Variants in SV2C observed in about 807,000 individuals in gnomAD.
SV2C encodes the protein synaptic vesicle glycoprotein 2C.
A neutral mutation model predicts 79.7 loss-of-function variants in SV2C; 49 were observed. The ratio of observed to expected loss-of-function variants is 0.61; its 90% CI spans 0.49 to 0.78. The LOEUF (loss-of-function observed/expected upper bound fraction) is 0.78. Ranked by LOEUF, SV2C falls within the 30% of genes least tolerant of loss-of-function variation. SV2C has a pLI of 0.00. For missense variants in SV2C, 833 were observed against 912.9 expected (o/e 0.91, Z 1.13); for synonymous variants, 334 against 333.2 (o/e 1.00, Z -0.03).
chr5:75,996,433 G>T, the SV2C span, among the ~76,000 whole-genome samples: 1 of 152,126 alleles, frequency 6.6e-6, no homozygotes, highest in African/African-American at 2.4e-5. Context: ...CTCCAGCTTT[G>T]TTCTTTTGGC....
intron 4 of SV2C, among the ~76,000 whole-genome samples, chr5:76,217,562 A>C (rs763004959): frequency 2.6e-5 from 4 of 152,202 alleles, no homozygotes; most frequent in Non-Finnish European, 5.9e-5. Flanking sequence ...GATTAAGCAA[A>C]ATAATCTCGT....
the SV2C span, among the ~76,000 whole-genome samples, chr5:76,006,923 C>T: frequency 6.6e-6 from 1 of 152,170 alleles, no homozygotes; most frequent in African/African-American, 2.4e-5. Flanking sequence ...TGAAGCACTT[C>T]CTGGACTTCG....
the SV2C span, among the ~76,000 whole-genome samples, chr5:76,074,980 A>G: frequency 2.0e-5 from 3 of 152,204 alleles, no homozygotes; most frequent in Non-Finnish European, 2.9e-5. Flanking sequence ...GAGAGAGTAT[A>G]AGGATGCTTT....
chr5:76,265,866 C>T (rs1746638253), intron 4 of SV2C, among the ~76,000 whole-genome samples: 1 of 152,130 alleles, frequency 6.6e-6, no homozygotes, highest in South Asian at 2.1e-4. Context: ...CAGAAATCAC[C>T]CACCTTTTGT....
chr5:76,105,876 G>A (rs192549115), intron 1 of SV2C, among the ~76,000 whole-genome samples: 9 of 151,914 alleles, frequency 5.9e-5, no homozygotes, highest in Non-Finnish European at 8.8e-5. Context: ...CCTGTGATCC[G>A]GGGAGCAATC....
At chr5:76,065,497 C>T in the SV2C span, among the ~76,000 whole-genome samples, 31 of 152,156 alleles carry the variant, frequency 2.0e-4, no homozygotes, top group African/African-American at 7.5e-4. Context: ...AGTAAGCCGT[C>T]TGCCTACAAT....
At chr5:76,318,242 A>AC (rs535513778) in intron 12 of SV2C, among the ~76,000 whole-genome samples, 559 of 152,192 alleles carry the variant, frequency 3.7e-3, no homozygotes, top group Middle Eastern at 0.01. Flanking sequence ...ACATGGTGAA[A>AC]CCCCGTCTCT....
At chr5:76,137,630 C>T (rs962613644) in intron 2 of SV2C, among the ~76,000 whole-genome samples, 1 of 152,000 alleles carries the variant, frequency 6.6e-6, no homozygotes, top group Non-Finnish European at 1.5e-5. Context: ...GTCTTTCGGC[C>T]CCAAAATAAC....
the SV2C span, among the ~76,000 whole-genome samples, chr5:76,030,281 T>TATTTATTTATTTA: frequency 0.011 from 1,195 of 113,370 alleles, 51 homozygotes; most frequent in African/African-American, 0.049. Flanking sequence ...TTTTTTTTTT[T>TATTTATTTATTTA]TTTTTTTTTT....
At chr5:75,946,734 C>A in the SV2C span, among the ~76,000 whole-genome samples, 1 of 151,994 alleles carries the variant, frequency 6.6e-6, no homozygotes, top group African/African-American at 2.4e-5. Flanking sequence ...ACTGTAAGGA[C>A]AGAGAACACA....
chr5:75,887,791 G>A, the SV2C span, among the ~76,000 whole-genome samples: 22,557 of 151,990 alleles, frequency 0.15, 2,455 homozygotes, highest in African/African-American at 0.31. Context: ...CCAAGCAACA[G>A]CAAAAACAAG....
chr5:76,271,820 A>G (rs1336863349), intron 4 of SV2C, among the ~76,000 whole-genome samples: 1 of 152,112 alleles, frequency 6.6e-6, no homozygotes, highest in Non-Finnish European at 1.5e-5. Context: ...TTTGAAAATT[A>G]GGAAACATAA....
chr5:76,071,510 G>C, the SV2C span, among the ~76,000 whole-genome samples: 2 of 152,182 alleles, frequency 1.3e-5, no homozygotes, highest in Non-Finnish European at 2.9e-5. Context: ...TATCAGGGAA[G>C]AGCTGTAGTC....
chr5:75,863,714 T>C, the SV2C span, among the ~76,000 whole-genome samples: 1 of 152,216 alleles, frequency 6.6e-6, no homozygotes, highest in Non-Finnish European at 1.5e-5. Context: ...ATTAATTGCC[T>C]GAGATATTTT....
chr5:76,022,348 A>G, the SV2C span, among the ~76,000 whole-genome samples: 2 of 152,208 alleles, frequency 1.3e-5, no homozygotes, highest in Non-Finnish European at 2.9e-5. Flanking sequence ...CCTCTGACCC[A>G]TGCTGCTCCG....
At chr5:76,047,930 C>G in the SV2C span, among the ~76,000 whole-genome samples, 1 of 151,684 alleles carries the variant, frequency 6.6e-6, no homozygotes, top group African/African-American at 2.4e-5. Context: ...GCCACCACTC[C>G]CGGCTAATTT....
the SV2C span, among the ~76,000 whole-genome samples, chr5:75,936,351 C>A: frequency 3.3e-5 from 5 of 152,176 alleles, no homozygotes; most frequent in African/African-American, 1.2e-4. Flanking sequence ...CCATCTTGGG[C>A]TGAGGAAATT....
chr5:76,070,220 G>T, the SV2C span, among the ~76,000 whole-genome samples: 1 of 152,048 alleles, frequency 6.6e-6, no homozygotes, highest in African/African-American at 2.4e-5. Context: ...CTGCCCACCT[G>T]CCCATGATCC....
intron 9 of SV2C, 101 bp downstream of exon 9, chr5:76,296,043 GT>G: frequency 8.7e-7 from 1 of 1,148,774 alleles, no homozygotes; most frequent in Non-Finnish European, 1.2e-6. Flanking sequence ...TTGTTTGTTT[GT>G]TTTAGTTTGT....
Sources: gnomAD v4.1 joint callset for allele counts (sites outside exome capture counted in the v4.1 genomes callset) on GRCh38, gnomAD v4.1.1 for gene constraint, MANE v1.5 for transcripts, NCBI Gene and HGNC (gene_info 2026-07-23, HGNC 2026-07-21) for gene names.